The following CAST variants were observed in gnomAD, a reference collection of about 807,000 sequenced individuals.
The protein encoded by CAST is calpastatin.
In CAST, 76 loss-of-function variants were observed where a neutral mutation model predicts 119.6. That is an observed-to-expected ratio of 0.64 (90% CI 0.53 to 0.77). The LOEUF (loss-of-function observed/expected upper bound fraction) is 0.77. CAST is among the 30% of genes least tolerant of loss of function. The probability of loss-of-function intolerance (pLI) is 0.00; values close to 1 mark genes in which losing one functional copy is unlikely to be tolerated. For missense variants in CAST, 953 were observed against 946.5 expected (o/e 1.01, Z -0.09); for synonymous variants, 319 against 331.6 (o/e 0.96, Z 0.41).
chr5:96,220,664 G>C, the CAST span, among the ~76,000 whole-genome samples: 1 of 152,202 alleles, frequency 6.6e-6, no homozygotes, highest in African/African-American at 2.4e-5. Context: ...CTCAGTTGGA[G>C]CTGTGCTACT....
chr5:96,530,710 G>T (rs1745674728), intron 1 of CAST, among the ~76,000 whole-genome samples: 1 of 152,062 alleles, frequency 6.6e-6, no homozygotes, highest in African/African-American at 2.4e-5. Flanking sequence ...GGGAGAGAGG[G>T]ACCAGTTCAG....
At chr5:96,028,083 T>C in the CAST span, among the ~76,000 whole-genome samples, 3 of 152,112 alleles carry the variant, frequency 2.0e-5, no homozygotes, top group African/African-American at 7.2e-5. Context: ...ACTTTTAATA[T>C]TTTATTCCAA....
chr5:96,575,521 T>A (rs1273692837), intron 1 of CAST, among the ~76,000 whole-genome samples: 1 of 152,194 alleles, frequency 6.6e-6, no homozygotes, highest in African/African-American at 2.4e-5. Context: ...TTAAGTATGA[T>A]GTCAGCTGTA....
the CAST span, among the ~76,000 whole-genome samples, chr5:96,495,080 G>T: frequency 5.5e-5 from 8 of 145,582 alleles, no homozygotes; most frequent in Non-Finnish European, 1.0e-4. Flanking sequence ...ATCGGAGATC[G>T]CACCATTGCA....
the CAST span, among the ~76,000 whole-genome samples, chr5:96,130,981 A>G: frequency 6.6e-6 from 1 of 152,164 alleles, no homozygotes; most frequent in African/African-American, 2.4e-5. Flanking sequence ...CTATCACAAT[A>G]AGAAACATAC....
At position 96,558,119 on chromosome 5, in the gene CAST, G is replaced by A. The variant is rs1009135278; in HGVS notation, c.60+28239G>A. Among the ~76,000 whole-genome samples, 4 of 152,236 alleles carry A rather than the reference G, an allele frequency of 2.6e-5. No homozygotes were observed. In the East Asian group the frequency reaches 5.8e-4, roughly 22 times the overall value. On this transcript the variant is annotated intron_variant, in intron 1 of 11. Transcript: ENST00000505143. The stretch of plus-strand genomic sequence containing the variant: ...CCTGAATGACTACTGGGTACATAAC[G>A]AAATGAAGGCAGAAATAAAGATGTT...
At chr5:96,464,096 C>A in the CAST span, among the ~76,000 whole-genome samples, 1 of 151,846 alleles carries the variant, frequency 6.6e-6, no homozygotes, top group Non-Finnish European at 1.5e-5. Context: ...TCTGGGAAGA[C>A]TAGGTCTAAA....
chr5:96,213,310 AG>A, the CAST span: 1 of 152,118 alleles, frequency 6.6e-6, no homozygotes, highest in African/African-American at 2.4e-5. Context: ...ATTTGAAGTA[AG>A]TTCCTTGTAG....
At chr5:96,240,662 C>A in the CAST span, among the ~76,000 whole-genome samples, 1 of 151,362 alleles carries the variant, frequency 6.6e-6, no homozygotes, top group African/African-American at 2.4e-5. Context: ...CTCCTGGGCT[C>A]AAGCAATTGT....
the CAST span, among the ~76,000 whole-genome samples, chr5:96,232,067 TA>T: frequency 6.6e-6 from 1 of 152,054 alleles, no homozygotes; most frequent in Admixed American, 6.6e-5. Flanking sequence ...AGATTCAATA[TA>T]AATAACAATA....
chr5:96,019,457 C>G, the CAST span, among the ~76,000 whole-genome samples: 52 of 152,266 alleles, frequency 3.4e-4, no homozygotes, highest in African/African-American at 1.2e-3. Flanking sequence ...GGGAGCAAGG[C>G]AAAGGTGAGA....
intron 3 of CAST, among the ~76,000 whole-genome samples, chr5:96,719,664 A>C (rs1255044444): frequency 6.6e-6 from 1 of 152,146 alleles, no homozygotes; most frequent in African/African-American, 2.4e-5. Flanking sequence ...TTATACTCTG[A>C]TTTACAGTAT....
intron 3 of CAST, chr5:96,696,192 A>G (rs995708156): frequency 9.0e-5 from 17 of 189,482 alleles, no homozygotes; most frequent in Admixed American, 8.6e-4. Flanking sequence ...AAACTTTTGA[A>G]CATACTGTGA....
chr5:96,326,245 TGTG>T, the CAST span, among the ~76,000 whole-genome samples: 1 of 152,212 alleles, frequency 6.6e-6, no homozygotes, highest in Non-Finnish European at 1.5e-5. Flanking sequence ...CCCAATCTAT[TGTG>T]GTAATCTCCC....
the CAST span, among the ~76,000 whole-genome samples, chr5:95,997,179 C>T: frequency 2.0e-5 from 3 of 152,140 alleles, no homozygotes; most frequent in Non-Finnish European, 4.4e-5. Context: ...TCAAACACAA[C>T]ACACTGTATA....
intron 1 of CAST, among the ~76,000 whole-genome samples, chr5:96,667,946 C>T (rs1419194219): frequency 1.3e-5 from 2 of 152,274 alleles, no homozygotes; most frequent in East Asian, 1.9e-4. Flanking sequence ...ACCCGCGAGG[C>T]GGAGCTTGCA....
chr5:96,647,969 T>A (rs1748039858), intron 1 of CAST, among the ~76,000 whole-genome samples: 1 of 152,250 alleles, frequency 6.6e-6, no homozygotes, highest in Non-Finnish European at 1.5e-5. Flanking sequence ...CTTTCTCCAA[T>A]TCTTTCCTAT....
the CAST span, among the ~76,000 whole-genome samples, chr5:96,354,213 A>G: frequency 2.6e-5 from 4 of 152,158 alleles, no homozygotes; most frequent in Non-Finnish European, 5.9e-5. Flanking sequence ...TCCCAATCTT[A>G]TCCTCCTAGT....
In CAST at chr5:96,549,530, T is replaced by C. The variant is rs781528768; in HGVS notation, c.60+19650T>C. ...CAACTGAGGTACCTGGTTCATCTCA[T>C]TGGGACTGGTTGTACAGTGGGTGAA... On this transcript the variant is annotated intron_variant, in intron 1 of 11. Transcript: ENST00000505143. 2.2e-4 allele frequency among the ~76,000 whole-genome samples: 33 copies of C among 152,200 alleles called. 1 individual carries two copies. The highest frequency in any genetic ancestry group is 4.1e-4 in the South Asian group (2 of 4,824).
Sources: gnomAD v4.1 joint callset for allele counts (sites outside exome capture counted in the v4.1 genomes callset) on GRCh38, gnomAD v4.1.1 for gene constraint, MANE v1.5 for transcripts, NCBI Gene and HGNC (gene_info 2026-07-23, HGNC 2026-07-21) for gene names.